CDH12: variants seen among roughly 807,000 people sequenced by gnomAD.
CDH12 encodes cadherin-12.
In CDH12, 41 loss-of-function variants were observed where a neutral mutation model predicts 74.1. The observed-to-expected ratio is 0.55, with a 90% confidence interval of 0.43 to 0.72. The LOEUF is 0.72. CDH12 is among the 30% of genes least tolerant of loss of function. The pLI is 0.00. For synonymous variants in CDH12, 399 were observed against 355.0 expected, an observed-to-expected ratio of 1.12 and a Z score of -1.39; for missense variants, 945 against 977.2, an observed-to-expected ratio of 0.97 and a Z score of 0.44.
At chr5:22,017,716 T>C (rs1256216424) in intron 5 of CDH12, among the ~76,000 whole-genome samples, 3 of 151,752 alleles carry the variant, frequency 2.0e-5, no homozygotes, top group Non-Finnish European at 4.4e-5. Context: ...TGCAGAGACA[T>C]CTGAGCTGAT....
At chr5:22,586,506 A>ATAT (rs1366866807) in intron 1 of CDH12, among the ~76,000 whole-genome samples, 20,153 of 128,954 alleles carry the variant, frequency 0.16, 1,874 homozygotes, top group East Asian at 0.34. Context: ...TATATATATA[A>ATAT]ATAAAAATAA....
At chr5:22,351,844 CTA>C (rs1740367096) in intron 3 of CDH12, among the ~76,000 whole-genome samples, 1 of 152,112 alleles carries the variant, frequency 6.6e-6, no homozygotes, top group Admixed American at 6.6e-5. Flanking sequence ...AGGTGGTAAA[CTA>C]TTTTCACAAA....
At chr5:22,830,753 A>C (rs2126498848) in intron 1 of CDH12, among the ~76,000 whole-genome samples, 1 of 151,830 alleles carries the variant, frequency 6.6e-6, no homozygotes, top group South Asian at 2.1e-4. Context: ...TCTAAGTCCA[A>C]TTATTTTATT....
chr5:22,216,711 AT>A (rs1385567682), intron 3 of CDH12, among the ~76,000 whole-genome samples: 15 of 151,906 alleles, frequency 9.9e-5, no homozygotes, highest in Non-Finnish European at 1.9e-4. Context: ...TTCAAGAGAA[AT>A]TTTTATTTTT....
intron 1 of CDH12, among the ~76,000 whole-genome samples, chr5:22,764,058 G>T (rs533348906): frequency 1.7e-5 from 2 of 116,442 alleles, no homozygotes; most frequent in South Asian, 5.1e-4. Context: ...TGAAAGTTTA[G>T]TGTGTAAATA....
chr5:22,670,445 G>A (rs1414257182), intron 1 of CDH12, among the ~76,000 whole-genome samples: 1 of 152,146 alleles, frequency 6.6e-6, no homozygotes, highest in Non-Finnish European at 1.5e-5. Flanking sequence ...ACCACCTGCA[G>A]ATAACCACTG....
intron 3 of CDH12, among the ~76,000 whole-genome samples, chr5:22,377,003 C>A (rs987356565): frequency 2.0e-5 from 3 of 152,022 alleles, no homozygotes; most frequent in African/African-American, 7.2e-5. Flanking sequence ...TAAATTACCA[C>A]CAGAGGCATC....
chr5:22,445,189 T>A (rs766578172), intron 2 of CDH12, among the ~76,000 whole-genome samples: 10 of 152,104 alleles, frequency 6.6e-5, no homozygotes, highest in African/African-American at 1.2e-4. Context: ...CACAAAGAAC[T>A]GTCTCAAAAT....
At chr5:22,391,663 A>G (rs1011224902) in intron 3 of CDH12, among the ~76,000 whole-genome samples, 1 of 151,968 alleles carries the variant, frequency 6.6e-6, no homozygotes, top group Admixed American at 6.6e-5. Flanking sequence ...ATTTTTTTTT[A>G]TGACTGATAA....
At chr5:22,577,093 G>A (rs935462994) in intron 1 of CDH12, among the ~76,000 whole-genome samples, 5 of 152,086 alleles carry the variant, frequency 3.3e-5, no homozygotes, top group African/African-American at 7.2e-5. Context: ...AAAAGCCTGC[G>A]TATTACAAAG....
At chr5:22,802,394 A>G (rs528504482) in intron 1 of CDH12, among the ~76,000 whole-genome samples, 7 of 152,118 alleles carry the variant, frequency 4.6e-5, no homozygotes, top group Non-Finnish European at 8.8e-5. Flanking sequence ...TGCTGGGATT[A>G]CAGGCGTGAG....
At chr5:21,893,710 T>C (rs1268645293) in intron 6 of CDH12, among the ~76,000 whole-genome samples, 1 of 152,210 alleles carries the variant, frequency 6.6e-6, no homozygotes, top group Non-Finnish European at 1.5e-5. Context: ...TCTACTGATA[T>C]ATAGAAACAA....
rs371474233 is a variant in CDH12, at chr5:22,199,224, G to T, written c.-187+13274C>A. On this transcript the variant is annotated intron_variant, in intron 4 of 14. Transcript: ENST00000382254. ...ATAAGATCACCAAACTTCTTGAATA[G>T]GACACTAATACAATAGACACACAAA... 5.5e-4 allele frequency among the ~76,000 whole-genome samples: 83 copies of T among 152,250 alleles called. No individual in the cohort carries two copies. In the East Asian group the frequency reaches 0.012, roughly 21 times the overall value.
chr5:22,142,970 T>C (rs552709901), intron 4 of CDH12: 5 of 228,952 alleles, frequency 2.2e-5, no homozygotes, highest in African/African-American at 9.2e-5. Flanking sequence ...TAATTGCCAA[T>C]GGGAGGAGAA....
rs12519386 is a variant in CDH12 at position 21,942,347 on chromosome 5, T to C, written c.526+32744A>G. On this transcript the variant is annotated intron_variant, in intron 6 of 14. Transcript: ENST00000382254. ...GAGACAAATACAGTATATATATATA[T>C]ACACACACACACACACACACACACA... 6.7e-3 allele frequency among the ~76,000 whole-genome samples: 870 copies of C among 129,652 alleles called. 4 individuals are homozygous for C. The highest frequency in any genetic ancestry group is 8.4e-3 in the Non-Finnish European group (527 of 62,734). The allele number at this position is 129,652 out of a possible 152,430, so 85.1% of individuals were successfully genotyped here.
chr5:22,750,502 G>A (rs1205875300), intron 1 of CDH12, among the ~76,000 whole-genome samples: 1 of 152,104 alleles, frequency 6.6e-6, no homozygotes, highest in Non-Finnish European at 1.5e-5. Context: ...TAATAGCAAT[G>A]TGAATAAAAC....
At chr5:22,129,093 A>G (rs1486252553) in intron 4 of CDH12, among the ~76,000 whole-genome samples, 1 of 152,244 alleles carries the variant, frequency 6.6e-6, no homozygotes, top group African/African-American at 2.4e-5. Context: ...AAAACTTCCA[A>G]CTAAAGGAAC....
At position 22,753,439 on chromosome 5, in the gene CDH12, GA is replaced by G. The variant is rs879438509; in HGVS notation, c.-523+99618del. On this transcript the variant is annotated intron_variant, in intron 1 of 14. Transcript: ENST00000382254. ...GAGACAGAGCGAGACTGTGTCAGAA[GA>G]AAAAAAAAAAAGGCAGATGACATAG... is the stretch of plus-strand genomic sequence containing the variant. 2.6e-3 allele frequency among the ~76,000 whole-genome samples: 327 copies of G among 128,098 alleles called. 1 individual carries two copies. Among genetic ancestry groups the G allele is most frequent in the African/African-American group, 6.6e-3 (227 of 34,568 alleles). The allele number at this position is 128,098 out of a possible 152,430, so 84.0% of individuals were successfully genotyped here.
At position 22,476,619 on chromosome 5, in the gene CDH12, T is replaced by C. The variant is rs193285715; in HGVS notation, c.-428+28651A>G. On this transcript the variant is annotated intron_variant, in intron 2 of 14. Coordinates refer to ENST00000382254, the MANE Select transcript of CDH12 (RefSeq NM_004061.5). ...CGTAAATTATTAAATTGAGTATAAA[T>C]GATATTACCTCATCTTACATGTAAC... Among the ~76,000 whole-genome samples the C allele has an allele frequency of 1.7e-3, 264 of 152,244 alleles. 2 individuals carry two copies. The highest frequency in any genetic ancestry group is 5.7e-3 in the Admixed American group (87 of 15,276).
Sources: gnomAD v4.1 joint callset for allele counts (sites outside exome capture counted in the v4.1 genomes callset) on GRCh38, gnomAD v4.1.1 for gene constraint, MANE v1.5 for transcripts, NCBI Gene and HGNC (gene_info 2026-07-23, HGNC 2026-07-21) for gene names.